RXRG: variants seen among roughly 807,000 people sequenced by gnomAD.
The protein encoded by RXRG is retinoid X receptor gamma, also known as retinoic acid receptor RXR-gamma.
Under a neutral mutation model 49.2 loss-of-function variants are expected in RXRG, and 19 were observed. That is an observed-to-expected ratio of 0.39 (90% CI 0.27 to 0.57). RXRG has a LOEUF of 0.57. Among genes scored for constraint, RXRG ranks in the 20% least tolerant of loss-of-function variants. The pLI is 0.64. For missense variants in RXRG, 452 were observed against 592.5 expected (o/e 0.76, Z 2.46); for synonymous variants, 224 against 216.6 (o/e 1.03, Z -0.30).
At chr1:165,437,605 G>A (rs1263677636) in intron 1 of RXRG, among the ~76,000 whole-genome samples, 1 of 152,152 alleles carries the variant, frequency 6.6e-6, no homozygotes, top group African/African-American at 2.4e-5. Context: ...GTAATGGACA[G>A]AGGTCATGGA....
chr1:165,439,298 C>T (rs1358118360), intron 1 of RXRG, among the ~76,000 whole-genome samples: 7 of 118,596 alleles, frequency 5.9e-5, no homozygotes, highest in African/African-American at 1.0e-4. Context: ...GGAGTGGGAG[C>T]GAGGGGAGGA....
chr1:165,443,478 A>G (rs1447502995), intron 1 of RXRG, among the ~76,000 whole-genome samples: 2 of 152,194 alleles, frequency 1.3e-5, no homozygotes, highest in South Asian at 2.1e-4. Context: ...AGACTGGCCC[A>G]AAGAACTTGA....
chr1:165,410,802 A>G lies in RXRG; in HGVS notation c.813T>C (p.His271=). Residue 271 remains histidine, a synonymous_variant, in exon 6 of 10, where the codon CAT becomes CAC. Transcript: ENST00000359842. ...STNDPVTNIC[H]AADKQLFTLV... is the part of the protein sequence containing the mutation. ...GGGTGAAAAGCTGCTTGTCAGCAGCATGACATATGTTGGTAACAGGGTCAT... is the reference window on the plus strand; with the variant it reads ...GGGTGAAAAGCTGCTTGTCAGCAGCGTGACATATGTTGGTAACAGGGTCAT... 2 of 1,614,210 alleles carry G rather than the reference A, an allele frequency of 1.2e-6. No homozygotes were observed. The highest frequency in any genetic ancestry group is 1.7e-6 in the Non-Finnish European group (2 of 1,180,012).
At position 165,409,418 on chromosome 1, in the gene RXRG, G is replaced by A. The variant is rs1012992183; in HGVS notation, c.1046+140C>T. On this transcript the variant is annotated intron_variant, in intron 7 of 9. Transcript: ENST00000359842. ...TGGTCATGTGTAGCTAACTGTTTGG[G>A]CTGCCCATCCTCCATCCCAGCACTA... is the stretch of plus-strand genomic sequence containing the variant. 2.9e-6 allele frequency: 3 copies of A among 1,044,082 alleles called. No homozygotes were observed. In the African/African-American group the frequency reaches 4.9e-5, roughly 17 times the overall value. 64.7% of individuals were successfully genotyped at this position (1,044,082 alleles called of 1,614,324 possible). A position where few individuals can be genotyped will look rare whatever the true frequency, so the allele number is the denominator to read the frequency against.
chr1:165,423,333 G>A (rs61800587), intron 2 of RXRG, among the ~76,000 whole-genome samples: 44,818 of 152,122 alleles, frequency 0.29, 7,974 homozygotes, highest in Non-Finnish European at 0.39. Flanking sequence ...CTGCACGCAA[G>A]CCAGCTGCTC....
rs61800591 is a variant in RXRG, at chr1:165,444,943, C to T, written c.-50G>A. ...CTCCTGTGCAGCTTCTAAATATTAC[C>T]GCCTCTCTCGGCTCCCAGGCACAGC... On this transcript the variant is annotated 5_prime_UTR_variant, in exon 1 of 10. Coordinates refer to ENST00000359842, the MANE Select transcript of RXRG (RefSeq NM_006917.5). 0.015 allele frequency: 23,890 copies of T among 1,564,350 alleles called. 232 individuals carry two copies. The highest frequency in any genetic ancestry group is 0.018 in the Non-Finnish European group (20,642 of 1,134,836).
At position 165,401,404 on chromosome 1, in the gene RXRG, G is replaced by C; in HGVS notation, c.1251C>G (p.Ala417=). Residue 417 remains alanine (A), a synonymous_variant, in exon 10 of 10, where the codon GCC becomes GCG. Coordinates refer to ENST00000359842, the MANE Select transcript of RXRG (RefSeq NM_006917.5). ...QKYPEQPGRF[A]KLLLRLPALR... ...GAGCTGGGAGGCGCAGCAGCAGCTT[G>C]GCAAACCTGCAGGGAAGCCAAGAGG... 2 of 1,614,046 alleles carry C rather than the reference G, an allele frequency of 1.2e-6. No homozygotes were observed. The highest frequency in any genetic ancestry group is 1.7e-6 in the Non-Finnish European group (2 of 1,180,036).
rs372003085 is a variant in RXRG, at chr1:165,405,948, G to A, written c.1244+864C>T. On this transcript the variant is annotated intron_variant, in intron 9 of 9. Coordinates refer to ENST00000359842, the MANE Select transcript of RXRG (RefSeq NM_006917.5). ...CTAAGTAGATATTAGACTTCACAGA[G>A]GAATGGAAACCATTAGTGAGCATTG... Among the ~76,000 whole-genome samples, 5 of 152,152 alleles carry A rather than the reference G, an allele frequency of 3.3e-5. No individual in the cohort carries two copies. In the East Asian group the frequency reaches 9.6e-4, roughly 29 times the overall value.
rs1657824857 is a variant in RXRG, at chr1:165,408,325, A to T, written c.1047-7T>A. ...AACCAGCTCAGTTAGGACTCTGTTA[A>T]CAGGAAACAAGCAGGTAATGAGAAA... is the stretch of plus-strand genomic sequence containing the variant. On this transcript the variant is annotated splice_polypyrimidine_tract_variant and splice_region_variant and intron_variant, in intron 7 of 9. Transcript: ENST00000359842. The T allele has an allele frequency of 6.3e-7, 1 of 1,593,686 alleles. No individual in the cohort carries two copies. Among genetic ancestry groups the T allele is most frequent in the Non-Finnish European group, 8.6e-7 (1 of 1,161,058 alleles).
At chr1:165,422,705 G>T (rs1273458176) in intron 2 of RXRG, among the ~76,000 whole-genome samples, 1 of 152,244 alleles carries the variant, frequency 6.6e-6, no homozygotes, top group Non-Finnish European at 1.5e-5. Flanking sequence ...GCAATAAGCA[G>T]CCACTAGAGG....
intron 7 of RXRG, 134 bp from the exon 8 acceptor site, chr1:165,408,452 A>G (rs974749114): frequency 1.0e-4 from 65 of 648,340 alleles, no homozygotes; most frequent in Middle Eastern, 5.0e-4. Context: ...GGGTACAGAA[A>G]TGAAAAAGAT....
At chr1:165,414,284 C>A (rs1175765668) in intron 4 of RXRG, among the ~76,000 whole-genome samples, 2 of 152,124 alleles carry the variant, frequency 1.3e-5, no homozygotes, top group Non-Finnish European at 2.9e-5. Context: ...AATGCAGGAG[C>A]AAAAATTGGG....
At chr1:165,436,843 G>T in intron 1 of RXRG, 1 of 903,716 alleles carries the variant, frequency 1.1e-6, no homozygotes, top group Non-Finnish European at 1.4e-6. Flanking sequence ...GACAGAAGTG[G>T]GGGACAGCAA....
intron 3 of RXRG, among the ~76,000 whole-genome samples, chr1:165,418,414 C>T (rs951787636): frequency 2.0e-5 from 3 of 152,136 alleles, no homozygotes; most frequent in African/African-American, 4.8e-5. Flanking sequence ...GTGTCTGATT[C>T]TTTGAATGTA....
Position 165,444,992 on chromosome 1 carries a change from A to T in RXRG, c.-99T>A, listed in dbSNP as rs1659116049. ...GCCCGGCTTTCTTCAACTTGGGCTA[A>T]CAAGAGTGGTCATCGCTTCCTAGCA... On this transcript the variant is annotated 5_prime_UTR_variant, in exon 1 of 10. It introduces an in-frame stop codon into an upstream open reading frame of the 5' UTR. Coordinates refer to ENST00000359842, the MANE Select transcript of RXRG (RefSeq NM_006917.5). 8.7e-7 allele frequency: 1 copy of T among 1,143,490 alleles called. No homozygotes were observed. The highest frequency in any genetic ancestry group is 1.3e-6 in the Non-Finnish European group (1 of 755,748). 70.8% of individuals were successfully genotyped at this position (1,143,490 alleles called of 1,614,324 possible).
intron 3 of RXRG, 35 bp from the exon 4 acceptor site, chr1:165,417,255 C>T: frequency 6.4e-7 from 1 of 1,554,948 alleles, no homozygotes; most frequent in Non-Finnish European, 8.7e-7. Context: ...ATAGATTGTT[C>T]TTGTGTTTAT....
chr1:165,417,231 G>A lies in RXRG; in HGVS notation c.443-11C>T, dbSNP rs776716603. ...CCCCGTAGTGCTTTCCTGGTTAGAAGAAAAGAACATTCCATAGATTGTTCT... is the reference window on the plus strand; with the variant it reads ...CCCCGTAGTGCTTTCCTGGTTAGAAAAAAAGAACATTCCATAGATTGTTCT... On this transcript the variant is annotated splice_polypyrimidine_tract_variant and intron_variant, in intron 3 of 9. Transcript: ENST00000359842. 2 of 1,593,152 alleles carry A rather than the reference G, an allele frequency of 1.3e-6. No individual in the cohort carries two copies. Among genetic ancestry groups the A allele is most frequent in the African/African-American group, 2.7e-5 (2 of 74,110 alleles).
At chr1:165,402,101 T>TTTG (rs1657594011) in intron 9 of RXRG, among the ~76,000 whole-genome samples, 5 of 151,794 alleles carry the variant, frequency 3.3e-5, no homozygotes, top group Non-Finnish European at 7.4e-5. Flanking sequence ...TTTTTTTTTT[T>TTTG]GAGACCGAGT....
At chr1:165,409,905 C>T (rs775379920) in intron 6 of RXRG, among the ~76,000 whole-genome samples, 7 of 151,908 alleles carry the variant, frequency 4.6e-5, no homozygotes, top group African/African-American at 1.5e-4. Context: ...TCCCCCCACT[C>T]TCTCTCAGAT....
Sources: gnomAD v4.1 joint callset for allele counts (sites outside exome capture counted in the v4.1 genomes callset) on GRCh38, gnomAD v4.1.1 for gene constraint, MANE v1.5 for transcripts, NCBI Gene and HGNC (gene_info 2026-07-23, HGNC 2026-07-21) for gene names.